The following BLTP1 variants were observed in gnomAD, a reference collection of about 807,000 sequenced individuals.
BLTP1 encodes the protein bridge-like lipid transfer protein family member 1.
At chr4:122,162,476 C>G in the BLTP1 span, 2 of 980,950 alleles carry the variant, frequency 2.0e-6, no homozygotes, top group African/African-American at 3.5e-5. Flanking sequence ...GGCAGGTTCA[C>G]AGATGGGAAT....
At chr4:122,246,745 T>G in the BLTP1 span, 2 of 1,612,802 alleles carry the variant, frequency 1.2e-6, no homozygotes, top group Non-Finnish European at 1.7e-6. Context: ...CTAGTAGGAG[T>G]GTGACTCATG....
chr4:122,226,601 G>T, the BLTP1 span: 1 of 1,544,658 alleles, frequency 6.5e-7, no homozygotes. Flanking sequence ...TTAAGACAGT[G>T]TTTGGGTTCT....
At chr4:122,357,489 C>T in the BLTP1 span, among the ~76,000 whole-genome samples, 1 of 151,216 alleles carries the variant, frequency 6.6e-6, no homozygotes, top group African/African-American at 2.4e-5. Flanking sequence ...TCGCTTGAGC[C>T]TGGGAGTTCA....
At chr4:122,330,060 G>A in the BLTP1 span, among the ~76,000 whole-genome samples, 30 of 151,738 alleles carry the variant, frequency 2.0e-4, no homozygotes, top group African/African-American at 3.6e-4. Context: ...CAGCATTTCC[G>A]TCTTTTTTTT....
the BLTP1 span, chr4:122,299,827 G>T: frequency 1.0e-6 from 1 of 984,884 alleles, no homozygotes; most frequent in African/African-American, 1.7e-5. Flanking sequence ...ATTTGAGTTA[G>T]GAGGCAGAGA....
At chr4:122,192,408 G>GC in the BLTP1 span, 1 of 1,445,872 alleles carries the variant, frequency 6.9e-7, no homozygotes, top group Middle Eastern at 1.8e-4. Context: ...TTTCTAATAA[G>GC]TTTTTTAGAT....
At chr4:122,173,791 A>C in the BLTP1 span, among the ~76,000 whole-genome samples, 1 of 151,730 alleles carries the variant, frequency 6.6e-6, no homozygotes, top group South Asian at 2.1e-4. Context: ...TAACTTTTTG[A>C]CTTTTTTTTA....
chr4:122,183,456 C>T, the BLTP1 span: 2 of 984,102 alleles, frequency 2.0e-6, no homozygotes, highest in Non-Finnish European at 2.4e-6. Flanking sequence ...AGGCTTATAG[C>T]TTTAAACTGT....
At chr4:122,189,036 G>A in the BLTP1 span, 1 of 984,424 alleles carries the variant, frequency 1.0e-6, no homozygotes, top group Non-Finnish European at 1.2e-6. Flanking sequence ...AATGTGGACT[G>A]TGCACACAAA....
chr4:122,254,073 G>A, the BLTP1 span: 2 of 844,556 alleles, frequency 2.4e-6, no homozygotes, highest in Non-Finnish European at 3.6e-6. Flanking sequence ...ACCTGAAGGA[G>A]AAGTAAAGAC....
chr4:122,358,650 G>T, the BLTP1 span, among the ~76,000 whole-genome samples: 2 of 152,110 alleles, frequency 1.3e-5, no homozygotes. Context: ...GGGCATCTGT[G>T]TTCTTACGTA....
chr4:122,246,395 G>T, the BLTP1 span: 3 of 1,165,354 alleles, frequency 2.6e-6, no homozygotes, highest in Non-Finnish European at 3.5e-6. Context: ...TGGTAGAACA[G>T]TGTGTAATAT....
chr4:122,199,853 T>C, the BLTP1 span: 1 of 900,538 alleles, frequency 1.1e-6, no homozygotes, highest in Non-Finnish European at 1.3e-6. Context: ...TTTTACTTGA[T>C]GAGTAAGGTA....
chr4:122,295,211 T>C, the BLTP1 span, among the ~76,000 whole-genome samples: 1 of 151,936 alleles, frequency 6.6e-6, no homozygotes, highest in Non-Finnish European at 1.5e-5. Flanking sequence ...CCAGGAGAAC[T>C]TCCCCAACTG....
chr4:122,301,231 T>A, the BLTP1 span: 1 of 1,435,024 alleles, frequency 7.0e-7, no homozygotes, highest in South Asian at 1.5e-5. Context: ...AGGATTTTTT[T>A]TTAATGCACA....
the BLTP1 span, chr4:122,316,312 A>AT: frequency 2.3e-6 from 1 of 430,872 alleles, no homozygotes; most frequent in African/African-American, 2.1e-5. Flanking sequence ...TTGGGAAGAA[A>AT]TTTTTTTAAA....
the BLTP1 span, chr4:122,281,299 C>T: frequency 1.0e-5 from 10 of 978,648 alleles, no homozygotes; most frequent in African/African-American, 1.8e-5. Context: ...ATAAGAATCA[C>T]CTTCACAGTA....
chr4:122,211,524 G>A, the BLTP1 span, among the ~76,000 whole-genome samples: 3 of 152,124 alleles, frequency 2.0e-5, no homozygotes, highest in Non-Finnish European at 2.9e-5. Context: ...AAGTGACAAC[G>A]TTTTATGATA....
At chr4:122,204,163 G>A in the BLTP1 span, among the ~76,000 whole-genome samples, 1 of 151,768 alleles carries the variant, frequency 6.6e-6, no homozygotes, top group Non-Finnish European at 1.5e-5. Flanking sequence ...ACTAGACATA[G>A]ACAAATGAAA....
Sources: allele counts gnomAD v4.1 joint callset (sites outside exome capture counted in the v4.1 genomes callset), GRCh38; gene constraint gnomAD v4.1.1; transcripts MANE v1.5; gene names NCBI Gene and HGNC (gene_info 2026-07-23, HGNC 2026-07-21).